Variants in ITCH observed in about 807,000 individuals in gnomAD.
ITCH encodes itchy E3 ubiquitin protein ligase, also known as E3 ubiquitin-protein ligase Itchy homolog.
ITCH carries 28 observed loss-of-function variants against 126.8 expected under a neutral mutation model. The observed-to-expected ratio is 0.22, with a 90% CI of 0.16 to 0.30. The LOEUF is 0.30. Ranked by LOEUF, ITCH falls within the 10% of genes least tolerant of loss-of-function variation. The pLI is 1.00. For synonymous variants in ITCH, 342 were observed against 340.0 expected, an observed-to-expected ratio of 1.01 and a Z score of -0.06; for missense variants, 631 against 1,032.4, an observed-to-expected ratio of 0.61 and a Z score of 5.33.
At chr20:34,488,542 G>T (rs890685828) in intron 20 of ITCH, among the ~76,000 whole-genome samples, 2 of 151,850 alleles carry the variant, frequency 1.3e-5, no homozygotes, top group African/African-American at 4.8e-5. Context: ...TGAAACCCCC[G>T]TCTCTACTAA....
chr20:34,496,781 CAAG>C (rs1327320297), intron 23 of ITCH, among the ~76,000 whole-genome samples: 2 of 107,138 alleles, frequency 1.9e-5, no homozygotes, highest in African/African-American at 3.7e-5. Context: ...CCAGCCTGGG[CAAG>C]AAGAGCAACA....
chr20:34,486,737 AC>A (rs1260821966), intron 20 of ITCH, among the ~76,000 whole-genome samples: 1 of 150,536 alleles, frequency 6.6e-6, no homozygotes, highest in African/African-American at 2.4e-5. Flanking sequence ...TCACTTTGTC[AC>A]CCAGGCTGGA....
In ITCH at chr20:34,444,518, G is replaced by A. The variant is rs574058655; in HGVS notation, c.966-769G>A. On this transcript the variant is annotated intron_variant, in intron 10 of 24. Coordinates refer to ENST00000374864, the MANE Select transcript of ITCH (RefSeq NM_031483.7). ...GAATCGCTTGAACCTGAGAGGCAGA[G>A]GTTGCGGTGAGCCAAGATCGCGCCA... 6.6e-5 allele frequency among the ~76,000 whole-genome samples: 10 copies of A among 152,302 alleles called. No homozygotes were observed. In the South Asian group the frequency reaches 2.1e-3, roughly 32 times the overall value.
At chr20:34,433,276 G>A (rs1320428344) in intron 7 of ITCH, among the ~76,000 whole-genome samples, 1 of 152,268 alleles carries the variant, frequency 6.6e-6, no homozygotes, top group Non-Finnish European at 1.5e-5. Flanking sequence ...GGGGACAAGA[G>A]CGAGACTTCG....
At chr20:34,465,592 G>A (rs537315563) in intron 14 of ITCH, among the ~76,000 whole-genome samples, 42 of 152,118 alleles carry the variant, frequency 2.8e-4, no homozygotes, top group African/African-American at 9.9e-4. Context: ...ATTTCTTTCA[G>A]CAGTGTTTTG....
At chr20:34,454,817 GTTTTTTTT>G (rs200486269) in intron 12 of ITCH, among the ~76,000 whole-genome samples, 35 of 109,554 alleles carry the variant, frequency 3.2e-4, no homozygotes, top group African/African-American at 1.1e-3. Context: ...TTCTTTTCCT[GTTTTTTTT>G]TTTTTTTTTT....
At chr20:34,497,624 G>A (rs924559350) in intron 23 of ITCH, among the ~76,000 whole-genome samples, 2 of 152,122 alleles carry the variant, frequency 1.3e-5, no homozygotes, top group Non-Finnish European at 2.9e-5. Context: ...TGTCACCCAG[G>A]CTGGAGTGCA....
At chr20:34,487,988 T>C (rs1253440535) in intron 20 of ITCH, among the ~76,000 whole-genome samples, 6 of 152,210 alleles carry the variant, frequency 3.9e-5, no homozygotes, top group African/African-American at 1.4e-4. Context: ...TTTACCTCAC[T>C]CCAGCTCTTT....
rs924832919 is a variant in ITCH, at chr20:34,492,463, A to G, written c.2320-38A>G. The G allele has an allele frequency of 6.8e-6, 8 of 1,170,664 alleles. No homozygotes were observed. In the African/African-American group the frequency reaches 7.6e-5, roughly 11 times the overall value. 72.5% of individuals were successfully genotyped at this position (1,170,664 alleles called of 1,614,324 possible). ...TCTTGTTTAGTGTGCTGAATGTAAC[A>G]TATGACATATATATCTCTTTAAATA... On this transcript the variant is annotated intron_variant, in intron 22 of 24. Coordinates refer to ENST00000374864, the MANE Select transcript of ITCH (RefSeq NM_031483.7).
rs571885046 is a variant in ITCH, at chr20:34,371,546, A to G, written c.-22+2076A>G. Among the ~76,000 whole-genome samples the G allele has an allele frequency of 2.6e-5, 4 of 152,198 alleles. No homozygotes were observed. In the East Asian group the frequency reaches 7.7e-4, roughly 29 times the overall value. On this transcript the variant is annotated intron_variant, in intron 2 of 24. Coordinates refer to ENST00000374864, the MANE Select transcript of ITCH (RefSeq NM_031483.7). ...TGATCTGCCCGCCTCTGCCTCCCAA[A>G]GTGCTGGGATTATAGGCGTGAGCCA...
rs769621140 is a variant in ITCH at position 34,413,774 on chromosome 20, G to A, written c.370G>A (p.Gly124Ser). ...EEVVVTLQLG[G>S]DKEPTETIGD... The stretch of plus-strand genomic sequence containing the variant: ...AGTAGTTGTGACTTTGCAGCTTGGA[G>A]GTGACAAAGAGCCAACAGAGACAAT... The change falls in exon 6 of 25, where the codon GGT becomes AGT. Residue 124 changes from glycine to serine, a missense_variant. Around this residue, in one of 4 missense-constraint regions of ITCH, gnomAD observed 220 missense variants for 265.7 expected, o/e 0.83. Coordinates refer to ENST00000374864, the MANE Select transcript of ITCH (RefSeq NM_031483.7). 6.2e-7 allele frequency: 1 copy of A among 1,612,232 alleles called. No individual in the cohort carries two copies. Among genetic ancestry groups the A allele is most frequent in the Non-Finnish European group, 8.5e-7 (1 of 1,178,850 alleles).
At chr20:34,451,803 C>T (rs1253267045) in intron 12 of ITCH, among the ~76,000 whole-genome samples, 1 of 152,130 alleles carries the variant, frequency 6.6e-6, no homozygotes. Context: ...CATGGTGGCT[C>T]ACACCTGTCA....
chr20:34,453,332 G>A (rs1046215210), intron 12 of ITCH, among the ~76,000 whole-genome samples: 5 of 152,170 alleles, frequency 3.3e-5, no homozygotes, highest in Non-Finnish European at 5.9e-5. Flanking sequence ...AAGATGAATG[G>A]CCATTACAGT....
At chr20:34,365,090 C>T (rs1041787520) in intron 1 of ITCH, among the ~76,000 whole-genome samples, 2 of 151,908 alleles carry the variant, frequency 1.3e-5, no homozygotes, top group Non-Finnish European at 2.9e-5. Context: ...GTCCCAGATA[C>T]TCAGGAGGCT....
At chr20:34,382,695 A>C (rs1382510665) in intron 2 of ITCH, among the ~76,000 whole-genome samples, 1 of 150,904 alleles carries the variant, frequency 6.6e-6, no homozygotes, top group Non-Finnish European at 1.5e-5. Context: ...GGTGTGAGCC[A>C]CCACGCTCAG....
intron 14 of ITCH, among the ~76,000 whole-genome samples, chr20:34,466,101 C>G (rs1987031999): frequency 6.6e-6 from 1 of 152,018 alleles, no homozygotes; most frequent in South Asian, 2.1e-4. Context: ...TTTCCTATCC[C>G]TGTTGTGGAG....
intron 13 of ITCH, among the ~76,000 whole-genome samples, chr20:34,458,785 C>T (rs1381463253): frequency 6.6e-6 from 1 of 152,192 alleles, no homozygotes; most frequent in Non-Finnish European, 1.5e-5. Flanking sequence ...ATAAGGACGT[C>T]AGTCCTATAG....
At chr20:34,372,294 CAGAGGGAT>C (rs2037664585) in intron 2 of ITCH, among the ~76,000 whole-genome samples, 1 of 94,624 alleles carries the variant, frequency 1.1e-5, no homozygotes, top group South Asian at 4.0e-4. Flanking sequence ...GACAGAGTGA[CAGAGGGAT>C]ACTTTGTCTC....
chr20:34,481,359 GTTTT>G (rs35351679), intron 20 of ITCH, among the ~76,000 whole-genome samples, 153 bp downstream of exon 20: 1 of 151,298 alleles, frequency 6.6e-6, no homozygotes, highest in Non-Finnish European at 1.5e-5. Flanking sequence ...TTTCTAAAAA[GTTTT>G]TTTTTAAGTG....
Sources: allele counts gnomAD v4.1 joint callset (sites outside exome capture counted in the v4.1 genomes callset), GRCh38; gene constraint gnomAD v4.1.1; regional missense constraint gnomAD v4.1.1; transcripts MANE v1.5; gene names NCBI Gene and HGNC (gene_info 2026-07-23, HGNC 2026-07-21).